The following PRKCD variants were observed in gnomAD, a reference collection of about 807,000 sequenced individuals.
PRKCD encodes protein kinase C delta.
In PRKCD, 20 loss-of-function variants were observed where a neutral mutation model predicts 82.2. The ratio of observed to expected loss-of-function variants is 0.24; its 90% CI spans 0.17 to 0.35. The LOEUF (loss-of-function observed/expected upper bound fraction) is 0.35, where lower values mean the gene tolerates loss of function less well. Ranked by LOEUF, PRKCD falls within the 10% of genes least tolerant of loss-of-function variation. PRKCD has a pLI of 1.00. For missense variants in PRKCD, 607 were observed against 899.0 expected, an observed-to-expected ratio of 0.68 and a Z score of 4.15; for synonymous variants, 317 against 337.0, an observed-to-expected ratio of 0.94 and a Z score of 0.65.
chr3:53,181,918 T>A, intron 7 of PRKCD, 186 bp downstream of exon 7: 1 of 851,016 alleles, frequency 1.2e-6, no homozygotes, highest in South Asian at 1.4e-5. Flanking sequence ...GGAAAACCAG[T>A]TCTGCGCATC....
intron 2 of PRKCD, among the ~76,000 whole-genome samples, chr3:53,165,840 A>T (rs1553663770): frequency 6.6e-6 from 1 of 152,166 alleles, no homozygotes; most frequent in Admixed American, 6.5e-5. Flanking sequence ...GTCTCTTTGA[A>T]TCCCCTCAGA....
intron 2 of PRKCD, among the ~76,000 whole-genome samples, chr3:53,176,874 G>T (rs1293843203): frequency 6.6e-6 from 1 of 152,170 alleles, no homozygotes; most frequent in African/African-American, 2.4e-5. Flanking sequence ...TGTTGCCCAG[G>T]CTGGAGTGCA....
chr3:53,188,917 G>A (rs1053841096), intron 16 of PRKCD, 59 bp downstream of exon 16: 11 of 1,602,198 alleles, frequency 6.9e-6, no homozygotes, highest in Admixed American at 1.7e-5. Context: ...CCCACGGTGG[G>A]CCAGGGAAGG....
intron 11 of PRKCD, 63 bp from the exon 12 acceptor site, chr3:53,185,864 C>A: frequency 6.3e-7 from 1 of 1,584,566 alleles, no homozygotes. Flanking sequence ...TACCCCAGGC[C>A]CCGGGGGAGG....
intron 10 of PRKCD, 25 bp from the exon 11 acceptor site, chr3:53,185,578 GC>G (rs1575540709): frequency 6.3e-7 from 1 of 1,594,846 alleles, no homozygotes; most frequent in Middle Eastern, 1.7e-4. Flanking sequence ...TGACCATCTG[GC>G]CCCCCACCTC....
At chr3:53,180,964 G>A (rs1703415360) in intron 4 of PRKCD, among the ~76,000 whole-genome samples, 1 of 152,088 alleles carries the variant, frequency 6.6e-6, no homozygotes, top group Non-Finnish European at 1.5e-5. Context: ...TGTCTGGGCT[G>A]GGTGTGGGCT....
chr3:53,181,042 G>C (rs1179944681), intron 4 of PRKCD, among the ~76,000 whole-genome samples, 165 bp from the exon 5 acceptor site: 2 of 151,974 alleles, frequency 1.3e-5, no homozygotes, highest in African/African-American at 4.8e-5. Context: ...CTCAGGAGTG[G>C]GGCTCAGGCG....
At chr3:53,168,216 T>G (rs556224582) in intron 2 of PRKCD, among the ~76,000 whole-genome samples, 77 of 152,302 alleles carry the variant, frequency 5.1e-4, no homozygotes, top group African/African-American at 1.7e-3. Flanking sequence ...AGTGGGCATC[T>G]GGGACTGATG....
chr3:53,189,399 T>C lies in PRKCD; in HGVS notation c.1743+153T>C, dbSNP rs142828935. Among the ~76,000 whole-genome samples, 300 of 152,300 alleles carry C rather than the reference T, an allele frequency of 2.0e-3. 3 individuals carry two copies. Among genetic ancestry groups the C allele is most frequent in the African/African-American group, 7.0e-3 (291 of 41,572 alleles). On this transcript the variant is annotated intron_variant, in intron 17 of 18. Coordinates refer to ENST00000330452, the MANE Select transcript of PRKCD (RefSeq NM_006254.4). Reference sequence around the variant, plus strand: ...TACGGGGTATTGCTCTCTCACCATGTTCCCAGGAACTCCTGTCTGAGTCCT... The same window carrying C: ...TACGGGGTATTGCTCTCTCACCATGCTCCCAGGAACTCCTGTCTGAGTCCT...
chr3:53,186,415 G>A (rs1156242788), intron 13 of PRKCD, 75 bp downstream of exon 13: 1 of 1,580,794 alleles, frequency 6.3e-7, no homozygotes, highest in Non-Finnish European at 8.7e-7. Context: ...CTCAGTCAGG[G>A]CTGTGTCTCC....
In PRKCD at chr3:53,192,219, G is replaced by A. The variant is rs1203311553; in HGVS notation, c.1984G>A (p.Gly662Ser). ...IDSMDQSAFAGFSFVNPKFEH... is the reference protein window; with the variant it reads ...IDSMDQSAFASFSFVNPKFEH... ...CTCCATGGACCAGTCTGCATTCGCT[G>A]GCTTCTCCTTTGTGAACCCCAAATT... Residue 662 changes from glycine to serine, a missense_variant, in exon 19 of 19, where the codon GGC becomes AGC. Coordinates refer to ENST00000330452, the MANE Select transcript of PRKCD (RefSeq NM_006254.4). 1 of 1,613,982 alleles carries A rather than the reference G, an allele frequency of 6.2e-7. No homozygotes were observed. Among genetic ancestry groups the A allele is most frequent in the Non-Finnish European group, 8.5e-7 (1 of 1,180,016 alleles).
chr3:53,179,862 G>A (rs552402832), intron 4 of PRKCD, 86 bp downstream of exon 4: 59 of 1,483,456 alleles, frequency 4.0e-5, no homozygotes, highest in East Asian at 2.0e-4. Flanking sequence ...GTGCACACAC[G>A]CGGGCTTGGT....
chr3:53,181,978 G>A (rs1553667734), intron 7 of PRKCD: 1 of 682,786 alleles, frequency 1.5e-6, no homozygotes, highest in Admixed American at 2.0e-5. Flanking sequence ...TGGCAATTGG[G>A]CACAGTAGAG....
intron 2 of PRKCD, among the ~76,000 whole-genome samples, chr3:53,173,933 C>A (rs898938405): frequency 2.0e-5 from 3 of 152,132 alleles, no homozygotes; most frequent in Admixed American, 1.3e-4. Context: ...CCACCTCTAC[C>A]GTCTTCCGTC....
intron 2 of PRKCD, among the ~76,000 whole-genome samples, chr3:53,177,703 C>T (rs1703257260): frequency 6.6e-6 from 1 of 152,066 alleles, no homozygotes; most frequent in African/African-American, 2.4e-5. Context: ...CAATAGGGTA[C>T]TTAGGGAGTC....
At chr3:53,175,158 G>A (rs962178913) in intron 2 of PRKCD, among the ~76,000 whole-genome samples, 5 of 152,202 alleles carry the variant, frequency 3.3e-5, no homozygotes, top group African/African-American at 9.6e-5. Flanking sequence ...CTGGCTGGCC[G>A]GTGTTGGAGC....
intron 3 of PRKCD, among the ~76,000 whole-genome samples, 182 bp downstream of exon 3, chr3:53,178,719 C>T (rs1435127907): frequency 6.6e-6 from 1 of 152,272 alleles, no homozygotes; most frequent in African/African-American, 2.4e-5. Flanking sequence ...GCTGCAAACA[C>T]TGGCCAAATT....
intron 1 of PRKCD, 67 bp downstream of exon 1, chr3:53,161,495 C>G (rs1011587476): frequency 1.3e-5 from 2 of 151,912 alleles, no homozygotes; most frequent in African/African-American, 4.8e-5. Flanking sequence ...CTTCCTTCCC[C>G]CTTCCCGCCC....
intron 1 of PRKCD, 197 bp downstream of exon 1, chr3:53,161,625 G>C (rs1291836758): frequency 6.6e-6 from 1 of 151,782 alleles, no homozygotes; most frequent in Non-Finnish European, 1.5e-5. Flanking sequence ...AGACAGTGGG[G>C]GCTGAGGTCC....
Sources: gnomAD v4.1 joint callset for allele counts (sites outside exome capture counted in the v4.1 genomes callset) on GRCh38, gnomAD v4.1.1 for gene constraint, MANE v1.5 for transcripts, NCBI Gene and HGNC (gene_info 2026-07-23, HGNC 2026-07-21) for gene names.